Variants in PAX7 observed in about 807,000 individuals in gnomAD.
PAX7 encodes the protein paired box protein Pax-7.
A neutral mutation model predicts 50.7 loss-of-function variants in PAX7; 18 were observed. That is an observed-to-expected ratio of 0.36 (90% CI 0.25 to 0.53). PAX7 has a LOEUF of 0.53. Ranked by LOEUF, PAX7 falls within the 20% of genes least tolerant of loss-of-function variation. The probability of loss-of-function intolerance (pLI) is 0.93; values close to 1 mark genes in which losing one functional copy is unlikely to be tolerated. For missense variants in PAX7, 644 were observed against 702.9 expected (o/e 0.92, Z 0.95); for synonymous variants, 310 against 290.4 (o/e 1.07, Z -0.69).
intron 7 of PAX7, among the ~76,000 whole-genome samples, chr1:18,705,061 G>T (rs12035204): frequency 6.6e-6 from 1 of 152,196 alleles, no homozygotes; most frequent in East Asian, 1.9e-4. Flanking sequence ...CTCAGGGTCC[G>T]CAGTATGAAG....
chr1:18,643,261 C>T (rs897900753), intron 4 of PAX7, among the ~76,000 whole-genome samples: 1 of 152,100 alleles, frequency 6.6e-6, no homozygotes, highest in Non-Finnish European at 1.5e-5. Flanking sequence ...AGTGAATTGG[C>T]CGATTTCCCC....
intron 7 of PAX7, among the ~76,000 whole-genome samples, chr1:18,730,557 A>G (rs368165472): frequency 4.4e-5 from 6 of 136,476 alleles, no homozygotes; most frequent in African/African-American, 1.1e-4. Flanking sequence ...CAGAGCCCCA[A>G]TGATGGCGAT....
intron 7 of PAX7, among the ~76,000 whole-genome samples, chr1:18,719,549 G>A (rs1053754882): frequency 6.6e-5 from 10 of 152,340 alleles, no homozygotes; most frequent in African/African-American, 2.4e-4. Flanking sequence ...AAGGATTAAG[G>A]TCCCGTGAGG....
intron 7 of PAX7, among the ~76,000 whole-genome samples, chr1:18,721,350 GC>G (rs2089491626): frequency 6.6e-6 from 1 of 152,144 alleles, no homozygotes. Context: ...CCTGGGACCA[GC>G]CCCTCCTCCC....
At chr1:18,668,558 G>A (rs2088700075) in intron 4 of PAX7, among the ~76,000 whole-genome samples, 1 of 152,162 alleles carries the variant, frequency 6.6e-6, no homozygotes, top group Admixed American at 6.5e-5. Flanking sequence ...AAAAAAATTA[G>A]CTGGGCATGG....
intron 4 of PAX7, among the ~76,000 whole-genome samples, chr1:18,680,889 G>A (rs778651629): frequency 1.9e-4 from 29 of 152,154 alleles, no homozygotes; most frequent in Admixed American, 4.6e-4. Flanking sequence ...CGGGCGCGGT[G>A]GCTCACGCCT....
chr1:18,692,332 A>G (rs1211739338), intron 5 of PAX7, among the ~76,000 whole-genome samples: 1 of 152,032 alleles, frequency 6.6e-6, no homozygotes, highest in East Asian at 1.9e-4. Context: ...ACATGAGGTC[A>G]GCAGTTCAAG....
chr1:18,743,755 T>C (rs754797148), intron 8 of PAX7, among the ~76,000 whole-genome samples: 1 of 152,200 alleles, frequency 6.6e-6, no homozygotes, highest in Non-Finnish European at 1.5e-5. Context: ...AGGTCAAGGG[T>C]CATCCCTGCA....
chr1:18,666,326 T>G (rs2088668858), intron 4 of PAX7, among the ~76,000 whole-genome samples: 1 of 152,176 alleles, frequency 6.6e-6, no homozygotes, highest in Non-Finnish European at 1.5e-5. Context: ...CCCCCACCCC[T>G]TTGCACTTAG....
chr1:18,693,520 C>T, intron 5 of PAX7, among the ~76,000 whole-genome samples: 1 of 152,206 alleles, frequency 6.6e-6, no homozygotes, highest in Non-Finnish European at 1.5e-5. Flanking sequence ...AATTTGAAAG[C>T]AACTGGGACA....
At chr1:18,659,838 G>A (rs1011068071) in intron 4 of PAX7, among the ~76,000 whole-genome samples, 8 of 152,184 alleles carry the variant, frequency 5.3e-5, no homozygotes, top group East Asian at 1.9e-4. Flanking sequence ...GATCAATCCC[G>A]TAGGTCCGTG....
At chr1:18,697,254 C>T (rs188786134) in intron 5 of PAX7, among the ~76,000 whole-genome samples, 1 of 152,306 alleles carries the variant, frequency 6.6e-6, no homozygotes, top group East Asian at 1.9e-4. Flanking sequence ...TAAAACCCAG[C>T]GCCTGCTTTC....
intron 4 of PAX7, among the ~76,000 whole-genome samples, chr1:18,645,657 G>T (rs2088327144): frequency 6.6e-6 from 1 of 152,228 alleles, no homozygotes; most frequent in Admixed American, 6.5e-5. Flanking sequence ...TGAGGCGTGT[G>T]TGTGTTTGTG....
At chr1:18,631,740 G>A (rs2088052147) in intron 1 of PAX7, 52 bp downstream of exon 1, 2 of 1,471,274 alleles carry the variant, frequency 1.4e-6, no homozygotes, top group South Asian at 1.2e-5. Flanking sequence ...GGAACTCGGG[G>A]TCCTTGGAGA....
At chr1:18,731,220 G>A (rs139411213) in intron 7 of PAX7, among the ~76,000 whole-genome samples, 3 of 152,328 alleles carry the variant, frequency 2.0e-5, no homozygotes, top group Non-Finnish European at 4.4e-5. Context: ...GACCTCAGCT[G>A]GATTCCTAAC....
chr1:18,718,647 CTTT>C (rs11367355), intron 7 of PAX7, among the ~76,000 whole-genome samples: 1 of 144,098 alleles, frequency 6.9e-6, no homozygotes, highest in Non-Finnish European at 1.5e-5. Context: ...TTGACCCTTC[CTTT>C]TTTTTTTTTT....
At position 18,636,546 on chromosome 1, in the gene PAX7, G is replaced by A. The variant is rs1390066070; in HGVS notation, c.586+175G>A. On this transcript the variant is annotated intron_variant, in intron 4 of 8. Transcript: ENST00000420770. The surrounding 1 kb of genome is among the most constrained non-coding windows in gnomAD (Gnocchi z 5.1). ...GCTTTGCCGACAGCGCCCCCTCGGT[G>A]CGCACCCCGGATGCCGGCTAGATGC... Among the ~76,000 whole-genome samples the A allele has an allele frequency of 6.6e-6, 1 of 152,206 alleles. No homozygotes were observed. Among genetic ancestry groups the A allele is most frequent in the African/African-American group, 2.4e-5 (1 of 41,460 alleles).
intron 5 of PAX7, among the ~76,000 whole-genome samples, chr1:18,697,073 G>A (rs889072755): frequency 3.0e-4 from 45 of 152,112 alleles, no homozygotes; most frequent in African/African-American, 1.0e-3. Context: ...AAAAGATACA[G>A]TTCAAAGTGA....
At chr1:18,674,923 C>T (rs562652242) in intron 4 of PAX7, among the ~76,000 whole-genome samples, 10 of 152,234 alleles carry the variant, frequency 6.6e-5, no homozygotes, top group Non-Finnish European at 1.3e-4. Flanking sequence ...TGGGGCCCAA[C>T]AACCTGTGTT....
Sources: allele counts gnomAD v4.1 joint callset (sites outside exome capture counted in the v4.1 genomes callset), GRCh38; gene constraint gnomAD v4.1.1; non-coding constraint Gnocchi (gnomAD v3.1); transcripts MANE v1.5; gene names NCBI Gene and HGNC (gene_info 2026-07-23, HGNC 2026-07-21).